The following HSD17B4 variants were observed in gnomAD, a reference collection of about 807,000 sequenced individuals.
HSD17B4 encodes the protein hydroxysteroid 17-beta dehydrogenase 4.
Under a neutral mutation model 101.0 loss-of-function variants are expected in HSD17B4, and 70 were observed. The observed-to-expected ratio is 0.69, with a 90% CI of 0.57 to 0.85. The LOEUF is 0.85. HSD17B4 is among the 40% of genes least tolerant of loss of function. HSD17B4 has a pLI of 0.00. For missense variants in HSD17B4, 984 were observed against 892.4 expected (o/e 1.10, Z -1.31); for synonymous variants, 347 against 297.1 (o/e 1.17, Z -1.73).
chr5:119,513,396 C>A (rs1752342429), intron 16 of HSD17B4, among the ~76,000 whole-genome samples: 1 of 151,298 alleles, frequency 6.6e-6, no homozygotes, highest in African/African-American at 2.4e-5. Flanking sequence ...GTTCTTTTTT[C>A]TTTTTGAGAT....
intron 2 of HSD17B4, among the ~76,000 whole-genome samples, chr5:119,466,937 C>G (rs925814833): frequency 2.0e-5 from 3 of 152,072 alleles, no homozygotes; most frequent in African/African-American, 7.2e-5. Context: ...CCTCTTAGTA[C>G]TGCTTTTGCT....
intron 8 of HSD17B4, among the ~76,000 whole-genome samples, chr5:119,487,036 C>T (rs1203766594): frequency 6.6e-6 from 1 of 152,050 alleles, no homozygotes; most frequent in African/African-American, 2.4e-5. Flanking sequence ...GTCTTTGCTA[C>T]TGCTGATTAC....
Position 119,499,430 on chromosome 5 carries a change from A to G in HSD17B4, c.1086A>G (p.Lys362=), listed in dbSNP as rs751717073. Residue 362 remains lysine (K), a synonymous_variant, in exon 13 of 24, where the codon AAA becomes AAG. Transcript: ENST00000510025. ...GASIKDPKDL[K]FIYEGSSDFS... is the part of the protein sequence containing the mutation. Reference sequence around the variant, plus strand: ...CAATCAAGGATCCAAAAGATTTGAAATTTATTTATGAAGGAAGTTCTGATT... The same window carrying G: ...CAATCAAGGATCCAAAAGATTTGAAGTTTATTTATGAAGGAAGTTCTGATT... 3.1e-6 allele frequency: 5 copies of G among 1,613,676 alleles called. No homozygotes were observed. The highest frequency in any genetic ancestry group is 4.2e-6 in the Non-Finnish European group (5 of 1,179,760).
chr5:119,498,683 C>T (rs139324133), intron 12 of HSD17B4, among the ~76,000 whole-genome samples: 18,500 of 152,116 alleles, frequency 0.12, 1,715 homozygotes, highest in African/African-American at 0.26. Context: ...CCAGACCATC[C>T]TGGCCAACAT....
intron 8 of HSD17B4, among the ~76,000 whole-genome samples, chr5:119,484,491 C>T (rs1348973459): frequency 2.0e-5 from 3 of 152,066 alleles, no homozygotes; most frequent in East Asian, 1.9e-4. Context: ...AATTGAGAGC[C>T]TACCTTTATT....
intron 17 of HSD17B4, among the ~76,000 whole-genome samples, chr5:119,519,616 C>T (rs1290647052): frequency 6.6e-6 from 1 of 152,194 alleles, no homozygotes; most frequent in Non-Finnish European, 1.5e-5. Flanking sequence ...AACTGCTGAT[C>T]AGCCCATGTT....
chr5:119,496,655 G>GA lies in HSD17B4; in HGVS notation c.972+15dup. 1.3e-6 allele frequency: 2 copies of GA among 1,488,004 alleles called. No individual in the cohort carries two copies. Among genetic ancestry groups the GA allele is most frequent in the Non-Finnish European group, 1.9e-6 (2 of 1,065,030 alleles). The allele number at this position is 1,488,004 out of a possible 1,614,324, so 92.2% of individuals were successfully genotyped here. On this transcript the variant is annotated intron_variant, in intron 12 of 23. Coordinates refer to ENST00000510025, the MANE Select transcript of HSD17B4 (RefSeq NM_000414.4). ...CAGCAACATCAGGATTTGTAAGTGG[G>GA]AAAAAAGCCTAAAGCGTTTGCCTTC...
intron 3 of HSD17B4, 92 bp from the exon 4 acceptor site, chr5:119,474,309 A>T (rs1748354851): frequency 2.5e-6 from 2 of 812,300 alleles, no homozygotes; most frequent in African/African-American, 3.4e-5. Flanking sequence ...TGTTGGGTGA[A>T]TAGTATTTGT....
chr5:119,487,686 A>G (rs1224771841), intron 8 of HSD17B4, among the ~76,000 whole-genome samples: 1 of 152,120 alleles, frequency 6.6e-6, no homozygotes, highest in South Asian at 2.1e-4. Context: ...ACTCTGTTGC[A>G]TTTTATAGAT....
chr5:119,472,034 G>A (rs1300322152), intron 2 of HSD17B4, among the ~76,000 whole-genome samples: 1 of 152,150 alleles, frequency 6.6e-6, no homozygotes, highest in Non-Finnish European at 1.5e-5. Flanking sequence ...ATAGGGAGAT[G>A]TTTTATGGTA....
At chr5:119,511,583 A>T (rs898210308) in intron 16 of HSD17B4, among the ~76,000 whole-genome samples, 1 of 152,212 alleles carries the variant, frequency 6.6e-6, no homozygotes, top group African/African-American at 2.4e-5. Flanking sequence ...AGAGGCAGAC[A>T]GTTTAACAGA....
In HSD17B4 at chr5:119,529,953, T is replaced by G. The variant is rs1753918216; in HGVS notation, c.1827T>G (p.Ser609=). 1 of 1,608,842 alleles carries G rather than the reference T, an allele frequency of 6.2e-7. No homozygotes were observed. The highest frequency in any genetic ancestry group is 8.5e-7 in the Non-Finnish European group (1 of 1,175,728). Residue 609 remains serine, a synonymous_variant, in exon 21 of 24, where the codon TCT becomes TCG. Transcript: ENST00000510025. ...SNAYVDLAPT[S]GTSAKTPSEG... ...CATATGTGGATCTTGCACCAACATC[T>G]GGTACTTCAGCTAAGACACCCTCTG... is the stretch of plus-strand genomic sequence containing the variant.
chr5:119,520,576 A>T (rs161857), intron 17 of HSD17B4, among the ~76,000 whole-genome samples: 7,410 of 152,356 alleles, frequency 0.049, 173 homozygotes, highest in Middle Eastern at 0.099. Context: ...TGCTGTCAGA[A>T]GGAAGCTGTA....
chr5:119,523,076 T>C (rs1308960280), intron 17 of HSD17B4, among the ~76,000 whole-genome samples: 1 of 152,182 alleles, frequency 6.6e-6, no homozygotes, highest in Non-Finnish European at 1.5e-5. Context: ...CAGTGTTCTC[T>C]GTCTTCTAGT....
chr5:119,512,483 T>C (rs1274375166), intron 16 of HSD17B4, among the ~76,000 whole-genome samples: 1 of 151,850 alleles, frequency 6.6e-6, no homozygotes, highest in Non-Finnish European at 1.5e-5. Flanking sequence ...CCTAATAAGA[T>C]TAAGAGCTGA....
chr5:119,482,753 CTTGTAATTGTTA>C (rs1393853940), intron 8 of HSD17B4, among the ~76,000 whole-genome samples: 9 of 151,996 alleles, frequency 5.9e-5, no homozygotes, highest in Non-Finnish European at 1.3e-4. Flanking sequence ...GCAGCTCTCA[CTTGTAATTGTTA>C]TTATACTGGA....
chr5:119,459,311 A>T (rs1345079012), intron 2 of HSD17B4, among the ~76,000 whole-genome samples: 2 of 152,242 alleles, frequency 1.3e-5, no homozygotes, highest in Admixed American at 6.5e-5. Flanking sequence ...AGGGTAAATG[A>T]CAAAAAATTA....
chr5:119,459,182 T>G (rs1251003288), intron 2 of HSD17B4, among the ~76,000 whole-genome samples: 1 of 152,244 alleles, frequency 6.6e-6, no homozygotes, highest in East Asian at 1.9e-4. Context: ...GAAGGTGAAC[T>G]GTAGTGGGCA....
intron 2 of HSD17B4, among the ~76,000 whole-genome samples, chr5:119,456,910 A>T (rs1228472672): frequency 1.3e-5 from 2 of 152,236 alleles, no homozygotes; most frequent in Non-Finnish European, 2.9e-5. Flanking sequence ...AAATAACTGA[A>T]TTTTGAGAAC....
Sources: allele counts gnomAD v4.1 joint callset (sites outside exome capture counted in the v4.1 genomes callset), GRCh38; gene constraint gnomAD v4.1.1; transcripts MANE v1.5; gene names NCBI Gene and HGNC (gene_info 2026-07-23, HGNC 2026-07-21).